The following CNTN5 variants were observed in gnomAD, a reference collection of about 807,000 sequenced individuals.
CNTN5 encodes the protein contactin 5.
CNTN5 carries 77 observed loss-of-function variants against 129.1 expected under a neutral mutation model. That is an observed-to-expected ratio of 0.60 (90% confidence interval 0.50 to 0.72). The LOEUF is 0.72. Among genes scored for constraint, CNTN5 ranks in the 30% least tolerant of loss-of-function variants. The pLI is 0.00. For missense variants in CNTN5, 1,478 were observed against 1,328.8 expected, an observed-to-expected ratio of 1.11 and a Z score of -1.75; for synonymous variants, 509 against 465.6, an observed-to-expected ratio of 1.09 and a Z score of -1.20.
In CNTN5 at chr11:100,191,272, A is replaced by G. The variant is rs1244337145; in HGVS notation, c.1708+19A>G. ...GTAAAAGGTAAGACAGCACGGGTAA[A>G]TGTTTTACAAGCATAGTCTCATGGT... On this transcript the variant is annotated intron_variant, in intron 14 of 24. Coordinates refer to ENST00000524871, the MANE Select transcript of CNTN5 (RefSeq NM_014361.4). 6.2e-7 allele frequency: 1 copy of G among 1,602,784 alleles called. No individual in the cohort carries two copies. The highest frequency in any genetic ancestry group is 1.7e-4 in the Middle Eastern group (1 of 6,010).
intron 3 of CNTN5, among the ~76,000 whole-genome samples, chr11:99,808,283 A>C (rs1339715862): frequency 2.6e-5 from 4 of 152,188 alleles, no homozygotes; most frequent in African/African-American, 9.7e-5. Context: ...AGGCTGCAAT[A>C]TTTTAGCCCA....
chr11:100,303,077 T>G (rs1230155562), intron 20 of CNTN5, among the ~76,000 whole-genome samples: 1 of 151,502 alleles, frequency 6.6e-6, no homozygotes, highest in Admixed American at 6.6e-5. Flanking sequence ...GAAGCAAACC[T>G]TAATGACTCT....
intron 20 of CNTN5, among the ~76,000 whole-genome samples, chr11:100,301,989 G>T (rs1409164041): frequency 6.6e-6 from 1 of 151,528 alleles, no homozygotes; most frequent in Non-Finnish European, 1.5e-5. Context: ...GTGGGCTATG[G>T]CAATGATGGC....
intron 3 of CNTN5, among the ~76,000 whole-genome samples, chr11:99,596,344 G>A (rs1255118776): frequency 1.3e-5 from 2 of 152,166 alleles, no homozygotes; most frequent in Non-Finnish European, 2.9e-5. Context: ...AGAGCAAGGA[G>A]TTCTGGAAAC....
chr11:100,352,662 G>T (rs1216185), intron 24 of CNTN5, among the ~76,000 whole-genome samples: 26,180 of 151,542 alleles, frequency 0.17, 2,722 homozygotes, highest in East Asian at 0.35. Flanking sequence ...AGAAATTCTG[G>T]TGAAAAGATC....
At chr11:99,389,052 G>A (rs1941092492) in intron 2 of CNTN5, among the ~76,000 whole-genome samples, 1 of 93,278 alleles carries the variant, frequency 1.1e-5, no homozygotes. Context: ...TTTTTGAGAT[G>A]GAGTTTTGCT....
intron 9 of CNTN5, among the ~76,000 whole-genome samples, chr11:100,037,845 T>A (rs999488843): frequency 1.3e-5 from 2 of 152,194 alleles, no homozygotes; most frequent in African/African-American, 4.8e-5. Flanking sequence ...TGCATCAATT[T>A]GATTCTTCTC....
chr11:99,086,543 G>A (rs949965563), intron 1 of CNTN5, among the ~76,000 whole-genome samples: 6 of 152,142 alleles, frequency 3.9e-5, no homozygotes, highest in African/African-American at 1.4e-4. Flanking sequence ...TCGTGCGTGA[G>A]CTAACTGAAA....
At chr11:99,254,984 C>T (rs1862304034) in intron 1 of CNTN5, among the ~76,000 whole-genome samples, 1 of 151,850 alleles carries the variant, frequency 6.6e-6, no homozygotes, top group Non-Finnish European at 1.5e-5. Flanking sequence ...CCGATGTTTT[C>T]TTAATGAGGT....
At chr11:100,090,375 GTTATT>G (rs1038726094) in intron 13 of CNTN5, among the ~76,000 whole-genome samples, 1 of 151,874 alleles carries the variant, frequency 6.6e-6, no homozygotes, top group African/African-American at 2.4e-5. Context: ...TGATCAATTT[GTTATT>G]TTCTTTTTCC....
intron 6 of CNTN5, among the ~76,000 whole-genome samples, chr11:99,867,387 C>T (rs1019206562): frequency 2.0e-5 from 3 of 152,270 alleles, no homozygotes; most frequent in African/African-American, 4.8e-5. Flanking sequence ...TTATCACAAA[C>T]GTAGAGGCTT....
chr11:99,696,182 A>G (rs1360326919), intron 3 of CNTN5, among the ~76,000 whole-genome samples: 1 of 152,088 alleles, frequency 6.6e-6, no homozygotes, highest in Non-Finnish European at 1.5e-5. Context: ...AGCCTGGAGC[A>G]TTGTGTGAGG....
At chr11:99,664,590 A>T (rs1565403831) in intron 3 of CNTN5, among the ~76,000 whole-genome samples, 1 of 152,176 alleles carries the variant, frequency 6.6e-6, no homozygotes, top group Non-Finnish European at 1.5e-5. Flanking sequence ...ATTACATTAG[A>T]ATTATAATTT....
At chr11:99,606,706 G>A (rs1216340359) in intron 3 of CNTN5, among the ~76,000 whole-genome samples, 2 of 141,590 alleles carry the variant, frequency 1.4e-5, no homozygotes, top group Non-Finnish European at 3.1e-5. Flanking sequence ...TATACTACAA[G>A]GCTACAGTAA....
At chr11:99,917,224 C>T (rs972815754) in intron 7 of CNTN5, among the ~76,000 whole-genome samples, 1 of 151,948 alleles carries the variant, frequency 6.6e-6, no homozygotes. Context: ...TTGAGTTGTA[C>T]CCCTCCAATT....
chr11:99,502,708 C>G lies in CNTN5; in HGVS notation c.-70-53437C>G, dbSNP rs139321566. Among the ~76,000 whole-genome samples, 9 of 152,262 alleles carry G rather than the reference C, an allele frequency of 5.9e-5. No individual in the cohort carries two copies. The East Asian group carries it at 1.7e-3, about 29-fold the overall frequency. Reference sequence around the variant, plus strand: ...ATGAACTAATACACCCCAACAGTAACTTATTTTCAACAAAAGCACAGTTAT... The same window carrying G: ...ATGAACTAATACACCCCAACAGTAAGTTATTTTCAACAAAAGCACAGTTAT... On this transcript the variant is annotated intron_variant, in intron 2 of 24. Coordinates refer to ENST00000524871, the MANE Select transcript of CNTN5 (RefSeq NM_014361.4).
At chr11:99,624,012 T>C (rs966498563) in intron 3 of CNTN5, among the ~76,000 whole-genome samples, 3 of 152,114 alleles carry the variant, frequency 2.0e-5, no homozygotes, top group African/African-American at 7.2e-5. Context: ...AAAGATAAAA[T>C]TGTATCTCAA....
intron 13 of CNTN5, among the ~76,000 whole-genome samples, chr11:100,128,515 A>G (rs1165086193): frequency 6.6e-6 from 1 of 152,160 alleles, no homozygotes; most frequent in African/African-American, 2.4e-5. Context: ...CTGATATTAA[A>G]CTAGAAAAAC....
At chr11:100,302,984 C>T (rs2138903229) in intron 20 of CNTN5, among the ~76,000 whole-genome samples, 1 of 151,682 alleles carries the variant, frequency 6.6e-6, no homozygotes, top group South Asian at 2.1e-4. Flanking sequence ...TACTATTGCC[C>T]TAGAGTACTG....
Sources: gnomAD v4.1 joint callset for allele counts (sites outside exome capture counted in the v4.1 genomes callset) on GRCh38, gnomAD v4.1.1 for gene constraint, MANE v1.5 for transcripts, NCBI Gene and HGNC (gene_info 2026-07-23, HGNC 2026-07-21) for gene names.